GARNL3: variants seen among roughly 807,000 people sequenced by gnomAD.
GARNL3 encodes GTPase activating Rap/RanGAP domain like 3, also known as GTPase-activating Rap/Ran-GAP domain-like protein 3.
In GARNL3, 63 loss-of-function variants were observed where a neutral mutation model predicts 125.0. That is an observed-to-expected ratio of 0.50 (90% CI 0.41 to 0.62). GARNL3 has a LOEUF of 0.62. Among genes scored for constraint, GARNL3 ranks in the 20% least tolerant of loss-of-function variants. GARNL3 has a pLI of 0.00. For missense variants in GARNL3, 994 were observed against 1,244.0 expected (o/e 0.80, Z 3.02); for synonymous variants, 439 against 457.5 (o/e 0.96, Z 0.52).
At chr9:127,251,247 T>C (rs1355153335) in intron 2 of GARNL3, among the ~76,000 whole-genome samples, 2 of 152,214 alleles carry the variant, frequency 1.3e-5, no homozygotes, top group African/African-American at 4.8e-5. Flanking sequence ...CTGGTTGTTT[T>C]CTTGTCGTCT....
At chr9:127,347,320 G>C (rs1830194007) in intron 16 of GARNL3, among the ~76,000 whole-genome samples, 1 of 152,156 alleles carries the variant, frequency 6.6e-6, no homozygotes, top group Admixed American at 6.5e-5. Flanking sequence ...TACTCAGGAG[G>C]CTGAGGCAGG....
intron 2 of GARNL3, among the ~76,000 whole-genome samples, chr9:127,297,936 G>GT (rs2064654676): frequency 6.6e-6 from 1 of 152,162 alleles, no homozygotes; most frequent in Non-Finnish European, 1.5e-5. Context: ...AAACTGTTCA[G>GT]TTTCTCTTAT....
At position 127,355,386 on chromosome 9, in the gene GARNL3, A is replaced by G; in HGVS notation, c.1849A>G (p.Lys617Glu). Reference sequence around the variant, plus strand: ...GAATAAACTGCTTCTGATCACAAGAAAACACAACAAGCCAAGCGGGGTCAC... The same window carrying G: ...GAATAAACTGCTTCTGATCACAAGAGAACACAACAAGCCAAGCGGGGTCAC... ...IRNKLLLITR[K>E]HNKPSGVTST... The change falls in exon 20 of 28, where the codon AAA becomes GAA. Residue 617 changes from lysine (K) to glutamate (E), a missense_variant. By Grantham distance (56) the Lys-to-Glu change is moderately conservative. Transcript: ENST00000373387. The G allele has an allele frequency of 6.2e-7, 1 of 1,614,234 alleles. No individual in the cohort carries two copies. The highest frequency in any genetic ancestry group is 8.5e-7 in the Non-Finnish European group (1 of 1,180,032).
chr9:127,263,823 C>T (rs2063643614), upstream of GARNL3: 13 of 1,291,316 alleles, frequency 1.0e-5, no homozygotes, highest in Non-Finnish European at 1.2e-5. Flanking sequence ...AAGCAGAATG[C>T]CATTAGACTC....
intron 1 of GARNL3, among the ~76,000 whole-genome samples, chr9:127,231,794 C>T (rs1324364317): frequency 2.6e-5 from 4 of 152,156 alleles, no homozygotes; most frequent in Non-Finnish European, 5.9e-5. Flanking sequence ...TAATACAGTT[C>T]TCAAACAGAG....
At chr9:127,345,035 A>G (rs1442853146) in intron 15 of GARNL3, among the ~76,000 whole-genome samples, 1 of 152,178 alleles carries the variant, frequency 6.6e-6, no homozygotes, top group African/African-American at 2.4e-5. Flanking sequence ...GCTTAGTTAC[A>G]AGGTTCTCAA....
chr9:127,383,230 C>A (rs1054396449), intron 22 of GARNL3, among the ~76,000 whole-genome samples: 5 of 152,216 alleles, frequency 3.3e-5, no homozygotes, highest in African/African-American at 1.2e-4. Context: ...CCCAAAACAG[C>A]AGCTCTTATT....
chr9:127,255,854 G>A (rs915055255), intron 2 of GARNL3, among the ~76,000 whole-genome samples: 46 of 152,174 alleles, frequency 3.0e-4, no homozygotes, highest in African/African-American at 8.9e-4. Flanking sequence ...GAATCACAAT[G>A]ACCTTGGTGT....
chr9:127,271,542 C>T (rs2063824642), intron 1 of GARNL3, among the ~76,000 whole-genome samples: 1 of 150,424 alleles, frequency 6.6e-6, no homozygotes, highest in African/African-American at 2.5e-5. Context: ...TGATGAATTG[C>T]AAGTCTTGTC....
chr9:127,264,581 C>T, upstream of GARNL3: 1 of 1,064,798 alleles, frequency 9.4e-7, no homozygotes, highest in Non-Finnish European at 1.1e-6. Context: ...TCCGGTTCAG[C>T]AGCTTTGTCC....
Position 127,338,155 on chromosome 9 carries a change from A to T in GARNL3, c.1022A>T (p.Asn341Ile). 1.9e-6 allele frequency: 3 copies of T among 1,609,440 alleles called. No individual in the cohort carries two copies. In the South Asian group the frequency reaches 3.3e-5, roughly 18 times the overall value. The change falls in exon 12 of 28, where the codon AAT becomes ATT. Residue 341 changes from asparagine (N) to isoleucine (I), a missense_variant. Transcript: ENST00000373387. ...GTGAGATACAATCAACAAAATGACA[A>T]TTACAGGTAGGTAATGACTTTGTCT... Reference protein sequence around the residue: ...ALVRYNQQNDNYRLKIFSEES... With the variant: ...ALVRYNQQNDIYRLKIFSEES...
intron 22 of GARNL3, among the ~76,000 whole-genome samples, chr9:127,371,238 T>TCCGTCTTAGAGCAAC (rs1475598112): frequency 6.6e-6 from 1 of 152,194 alleles, no homozygotes; most frequent in Non-Finnish European, 1.5e-5. Context: ...GGACTTTGGC[T>TCCGTCTTAGAGCAAC]CCGTCTTAGA....
rs1342463111 is a variant in GARNL3 at position 127,392,061 on chromosome 9, G to A, written c.2871-1022G>A. On this transcript the variant is annotated intron_variant, in intron 27 of 27. Coordinates refer to ENST00000373387, the MANE Select transcript of GARNL3 (RefSeq NM_032293.5). This position sits in a 1 kb window ranked among gnomAD's most constrained non-coding sequence, Gnocchi z 5.2. The stretch of plus-strand genomic sequence containing the variant: ...AGGCCAGTGGCAAAGACCAACAAGC[G>A]TCCAGAAAATGACTGCATTCCAGCA... 3.3e-5 allele frequency among the ~76,000 whole-genome samples: 5 copies of A among 152,166 alleles called. No individual in the cohort carries two copies. Among genetic ancestry groups the A allele is most frequent in the African/African-American group, 7.2e-5 (3 of 41,446 alleles).
intron 2 of GARNL3, among the ~76,000 whole-genome samples, chr9:127,297,911 C>T (rs916407017): frequency 2.0e-5 from 3 of 152,182 alleles, no homozygotes; most frequent in African/African-American, 2.4e-5. Flanking sequence ...TTAAATTCAT[C>T]GAATGTACTC....
chr9:127,380,894 T>C (rs1717322240), intron 22 of GARNL3, among the ~76,000 whole-genome samples: 1 of 152,226 alleles, frequency 6.6e-6, no homozygotes, highest in Admixed American at 6.5e-5. Flanking sequence ...TTTATTTTAT[T>C]TTTTTGAGAC....
At chr9:127,286,811 G>A (rs2064262044) in intron 1 of GARNL3, among the ~76,000 whole-genome samples, 1 of 152,058 alleles carries the variant, frequency 6.6e-6, no homozygotes, top group African/African-American at 2.4e-5. Flanking sequence ...ACTTATCATA[G>A]GATCAATGAT....
At chr9:127,281,459 G>T (rs765013172) in intron 1 of GARNL3, among the ~76,000 whole-genome samples, 72 of 152,244 alleles carry the variant, frequency 4.7e-4, no homozygotes, top group Non-Finnish European at 7.2e-4. Context: ...CTTGGCTGGG[G>T]AATCTGCCTG....
chr9:127,299,680 C>T (rs1037666085), intron 2 of GARNL3, among the ~76,000 whole-genome samples: 3 of 152,130 alleles, frequency 2.0e-5, no homozygotes, highest in Non-Finnish European at 4.4e-5. Flanking sequence ...ATGCCATTCT[C>T]CTGCCTCAGC....
chr9:127,304,460 G>A (rs964403721), intron 2 of GARNL3, among the ~76,000 whole-genome samples: 3 of 149,860 alleles, frequency 2.0e-5, no homozygotes, highest in African/African-American at 4.9e-5. Context: ...GTCACCGGAT[G>A]TATACCCAAC....
Sources: gnomAD v4.1 joint callset for allele counts (sites outside exome capture counted in the v4.1 genomes callset) on GRCh38, gnomAD v4.1.1 for gene constraint, Gnocchi (gnomAD v3.1) non-coding constraint, MANE v1.5 for transcripts, NCBI Gene and HGNC (gene_info 2026-07-23, HGNC 2026-07-21) for gene names.